ACOT11: variants seen among roughly 807,000 people sequenced by gnomAD.
The protein encoded by ACOT11 is acyl-CoA thioesterase 11.
In ACOT11, 69 loss-of-function variants were observed where a neutral mutation model predicts 77.5. The observed-to-expected ratio is 0.89, with a 90% CI of 0.73 to 1.09. The LOEUF is 1.09. Among genes scored for constraint, ACOT11 ranks in the 50% least tolerant of loss-of-function variants. The pLI is 0.00. For synonymous variants in ACOT11, 279 were observed against 313.0 expected (o/e 0.89, Z 1.15); for missense variants, 766 against 813.7 (o/e 0.94, Z 0.71).
chr1:54,607,618 C>G lies in ACOT11; in HGVS notation c.1503-324C>G, dbSNP rs1421641680. 6.6e-6 allele frequency among the ~76,000 whole-genome samples: 1 copy of G among 152,132 alleles called. No individual in the cohort carries two copies. The highest frequency in any genetic ancestry group is 1.9e-4 in the East Asian group (1 of 5,184). On this transcript the variant is annotated intron_variant, in intron 14 of 15. Coordinates refer to ENST00000343744, the MANE Select transcript of ACOT11 (RefSeq NM_147161.4). This position sits in a 1 kb window ranked among gnomAD's most constrained non-coding sequence, Gnocchi z 4.5. The stretch of plus-strand genomic sequence containing the variant: ...TGTGGGCTGGAGGGCCTAAACATCT[C>G]TTTTGCTGGAGAGACAGGGACAGAA...
intron 7 of ACOT11, chr1:54,597,671 C>T: frequency 1.9e-6 from 1 of 531,442 alleles, no homozygotes; most frequent in South Asian, 2.3e-5. Context: ...GCCCTACCTG[C>T]ACTCCTTCTA....
chr1:54,617,875 C>G (rs1644190308), intron 15 of ACOT11, among the ~76,000 whole-genome samples: 1 of 151,684 alleles, frequency 6.6e-6, no homozygotes. Context: ...AGGTATGCAC[C>G]ACCACCATGC....
chr1:54,577,621 A>G (rs913738912), intron 1 of ACOT11, among the ~76,000 whole-genome samples: 3 of 147,466 alleles, frequency 2.0e-5, no homozygotes, highest in African/African-American at 7.6e-5. Flanking sequence ...TAGTGCTGCT[A>G]TGAACGTGTA....
intron 9 of ACOT11, 86 bp from the exon 10 acceptor site, chr1:54,602,583 C>G: frequency 7.7e-7 from 1 of 1,301,336 alleles, no homozygotes. Flanking sequence ...GTTAGGGCTG[C>G]AGGAACTCCT....
chr1:54,584,644 C>T lies in ACOT11; in HGVS notation c.34-11C>T. Reference sequence around the variant, plus strand: ...CCTCTCTGTCCCCACCTGTCCCCACCTGTACCCCAGGGCTTGGCCTCTGTG... The same window carrying T: ...CCTCTCTGTCCCCACCTGTCCCCACTTGTACCCCAGGGCTTGGCCTCTGTG... On this transcript the variant is annotated splice_polypyrimidine_tract_variant and intron_variant, in intron 1 of 15. Transcript: ENST00000343744. This position sits in a 1 kb window ranked among gnomAD's most constrained non-coding sequence, Gnocchi z 6.3. 1 of 1,613,084 alleles carries T rather than the reference C, an allele frequency of 6.2e-7. No individual in the cohort carries two copies. The highest frequency in any genetic ancestry group is 8.5e-7 in the Non-Finnish European group (1 of 1,179,602).
chr1:54,612,388 G>C, downstream of ACOT11: 1 of 847,568 alleles, frequency 1.2e-6, no homozygotes, highest in Non-Finnish European at 1.9e-6. Context: ...GGGGTTGGAC[G>C]AAATGACCTT....
At position 54,603,876 on chromosome 1, in the gene ACOT11, A is replaced by T; in HGVS notation, c.1091A>T (p.Tyr364Phe). ...ARKKIRLDRK[Y>F]IVSCKQTEVP... is the part of the protein sequence containing the mutation. ...TCATCTTCTCTCCTTCCCAGGAAGT[A>T]CATCGTGTCCTGTAAGCAGACAGAG... is the stretch of plus-strand genomic sequence containing the variant. The change falls in exon 11 of 16, where the codon TAC becomes TTC. Residue 364 changes from tyrosine to phenylalanine, a missense_variant. Transcript: ENST00000343744. The T allele has an allele frequency of 6.2e-7, 1 of 1,614,046 alleles. No individual in the cohort carries two copies. The highest frequency in any genetic ancestry group is 2.2e-5 in the East Asian group (1 of 44,872).
rs115021834 is a variant in ACOT11, at chr1:54,556,523, G to A, written c.33+8181G>A. ...CATAATTCTTCTGATCCATGAACAT[G>A]GGATCTTTTCATTTATATCTTCTTC... On this transcript the variant is annotated intron_variant, in intron 1 of 15. Transcript: ENST00000343744. 7.5e-3 allele frequency among the ~76,000 whole-genome samples: 1,134 copies of A among 152,164 alleles called. 9 individuals are homozygous for A. The highest frequency in any genetic ancestry group is 0.026 in the African/African-American group (1,070 of 41,524).
chr1:54,570,856 T>C (rs1316247792), intron 1 of ACOT11, among the ~76,000 whole-genome samples: 2 of 151,546 alleles, frequency 1.3e-5, no homozygotes, highest in Non-Finnish European at 2.9e-5. Flanking sequence ...AATTTTTTTG[T>C]ATTTTTAGTA....
downstream of ACOT11, among the ~76,000 whole-genome samples, chr1:54,611,349 G>A (rs1483489849): frequency 6.6e-5 from 10 of 152,228 alleles, no homozygotes; most frequent in Non-Finnish European, 1.2e-4. Flanking sequence ...ACAGGGAGCC[G>A]AGATTGCGCC....
chr1:54,556,739 G>A (rs1653270568), intron 1 of ACOT11, among the ~76,000 whole-genome samples: 1 of 151,476 alleles, frequency 6.6e-6, no homozygotes, highest in Non-Finnish European at 1.5e-5. Context: ...GTGCCACCAT[G>A]CCTGGCTAAT....
Position 54,584,736 on chromosome 1 carries a change from G to C in ACOT11, c.115G>C (p.Glu39Gln), listed in dbSNP as rs1380899298. Residue 39 changes from glutamate (E) to glutamine (Q), a missense_variant, in exon 2 of 16, where the codon GAG (glutamate) becomes CAG (glutamine). Glu to Gln is a conservative substitution (Grantham distance 29, BLOSUM62 2). Coordinates refer to ENST00000343744, the MANE Select transcript of ACOT11 (RefSeq NM_147161.4). The surrounding 1 kb of genome is among the most constrained non-coding windows in gnomAD (Gnocchi z 6.3). The part of the protein sequence containing the change: ...AGNDSAMADG[E>Q]GYRNPTEVQM... ...GAACGACAGTGCCATGGCAGACGGC[G>C]AGGGATACCGGAACCCCACGGAGGT... The C allele has an allele frequency of 6.2e-7, 1 of 1,614,152 alleles. No homozygotes were observed. The highest frequency in any genetic ancestry group is 1.7e-5 in the Admixed American group (1 of 60,018).
chr1:54,593,853 G>T, intron 4 of ACOT11, 88 bp from the exon 5 acceptor site: 3 of 1,135,002 alleles, frequency 2.6e-6, no homozygotes, highest in Non-Finnish European at 3.9e-6. Context: ...GCCTGGGCTG[G>T]GACTTGCTGT....
Position 54,617,793 on chromosome 1 carries a change from G to A in ACOT11, c.1629+9725G>A, listed in dbSNP as rs182295626. On this transcript the variant is annotated intron_variant, in intron 15 of 16. Coordinates refer to the ACOT11 transcript ENST00000371316. Reference sequence around the variant, plus strand: ...GGCTGGAGTGCTGTGGCGTGATCACGGCTCACTGCAACCTCTGCCTGCTGG... The same window carrying A: ...GGCTGGAGTGCTGTGGCGTGATCACAGCTCACTGCAACCTCTGCCTGCTGG... Among the ~76,000 whole-genome samples, 298 of 135,244 alleles carry A rather than the reference G, an allele frequency of 2.2e-3. 1 individual carries two copies. The highest frequency in any genetic ancestry group is 7.8e-3 in the African/African-American group (288 of 36,774). The allele number at this position is 135,244 out of a possible 152,430, so 88.7% of individuals were successfully genotyped here.
At chr1:54,614,822 G>A (rs372413341), downstream of ACOT11, 17 of 1,614,198 alleles carry the variant, frequency 1.1e-5, no homozygotes, top group East Asian at 8.9e-5. Context: ...CCAGGGAGGG[G>A]CCCACTGCCT....
intron 1 of ACOT11, among the ~76,000 whole-genome samples, chr1:54,555,904 C>T (rs751785853): frequency 2.2e-4 from 33 of 152,014 alleles, no homozygotes; most frequent in Admixed American, 4.6e-4. Context: ...CATGCCACCA[C>T]GCCTAACTAA....
chr1:54,589,317 CTTTTTTTTTT>C (rs397863314), intron 3 of ACOT11, among the ~76,000 whole-genome samples: 1 of 124,400 alleles, frequency 8.0e-6, no homozygotes, highest in East Asian at 2.4e-4. Context: ...ATGCCTGGCC[CTTTTTTTTTT>C]TTTTTTTTTT....
intron 3 of ACOT11, 74 bp from the exon 4 acceptor site, chr1:54,592,472 C>T: frequency 7.0e-7 from 1 of 1,420,004 alleles, no homozygotes; most frequent in Non-Finnish European, 9.7e-7. Context: ...AAGAGAGGCT[C>T]TGCAAGTATC....
At chr1:54,606,037 T>C (rs2101005589) in intron 13 of ACOT11, among the ~76,000 whole-genome samples, 1 of 152,340 alleles carries the variant, frequency 6.6e-6, no homozygotes, top group South Asian at 2.1e-4. Flanking sequence ...ACAAACTGGC[T>C]TTCCCCTTCC....
Sources: allele counts gnomAD v4.1 joint callset (sites outside exome capture counted in the v4.1 genomes callset), GRCh38; gene constraint gnomAD v4.1.1; non-coding constraint Gnocchi (gnomAD v3.1); transcripts MANE v1.5; gene names NCBI Gene and HGNC (gene_info 2026-07-23, HGNC 2026-07-21).